The following ATP11C variants were observed in gnomAD, a reference collection of about 807,000 sequenced individuals.
ATP11C encodes the protein phospholipid-transporting ATPase IG.
In ATP11C, 36 loss-of-function variants were observed where a neutral mutation model predicts 97.4. The observed-to-expected ratio is 0.37, with a 90% CI of 0.28 to 0.49. The LOEUF is 0.49. ATP11C is among the 20% of genes least tolerant of loss of function. The pLI is 0.98. For synonymous variants in ATP11C, 275 were observed against 290.9 expected (o/e 0.95, Z 0.56); for missense variants, 730 against 824.6 (o/e 0.89, Z 1.40).
chrX:139,901,239 G>C (rs1335496621), intron 1 of ATP11C, among the ~76,000 whole-genome samples: 1 of 111,521 alleles, frequency 9.0e-6, no homozygotes, highest in African/African-American at 3.3e-5. Context: ...CATTAAAGGA[G>C]AGTAAGTCAG....
intron 1 of ATP11C, among the ~76,000 whole-genome samples, chrX:139,863,137 CTA>C (rs1273033326): frequency 8.9e-6 from 1 of 112,050 alleles, no homozygotes; most frequent in Non-Finnish European, 1.9e-5. Context: ...GAAAAGAATT[CTA>C]TGTTACCTGA....
chrX:139,837,976 C>T (rs2083772631), intron 1 of ATP11C, among the ~76,000 whole-genome samples: 1 of 111,773 alleles, frequency 8.9e-6, no homozygotes, highest in African/African-American at 3.3e-5. Flanking sequence ...TAGAAAATTG[C>T]CTATGATGAG....
intron 1 of ATP11C, among the ~76,000 whole-genome samples, chrX:139,919,097 G>A (rs1441220435): frequency 2.7e-5 from 3 of 110,693 alleles, no homozygotes; most frequent in Non-Finnish European, 5.7e-5. Context: ...TTTTAAATTA[G>A]CCAGGCATGG....
chrX:139,823,078 C>T (rs1046273442), intron 2 of ATP11C, among the ~76,000 whole-genome samples: 8 of 110,085 alleles, frequency 7.3e-5, no homozygotes, highest in Non-Finnish European at 1.5e-4. Flanking sequence ...ATTAGCCAGG[C>T]GGGCGCCTGT....
chrX:139,795,259 G>T (rs1405266630), intron 12 of ATP11C, among the ~76,000 whole-genome samples: 1 of 111,711 alleles, frequency 9.0e-6, no homozygotes, highest in African/African-American at 3.3e-5. Context: ...TAAACAAAAT[G>T]GTATCTGGAG....
intron 28 of ATP11C, among the ~76,000 whole-genome samples, chrX:139,737,299 C>G (rs2081463658): frequency 9.0e-6 from 1 of 111,034 alleles, no homozygotes; most frequent in Non-Finnish European, 1.9e-5. Context: ...ACTTCTCATT[C>G]CCACAGGAAA....
intron 1 of ATP11C, among the ~76,000 whole-genome samples, chrX:139,827,585 T>C (rs2083558121): frequency 9.0e-6 from 1 of 111,687 alleles, no homozygotes; most frequent in Non-Finnish European, 1.9e-5. Context: ...ACCCTTTTCT[T>C]ATATAAATTT....
chrX:139,901,460 A>G (rs1047300783), intron 1 of ATP11C, among the ~76,000 whole-genome samples: 1 of 111,620 alleles, frequency 9.0e-6, no homozygotes, highest in Non-Finnish European at 1.9e-5. Context: ...TTTCTCAGCA[A>G]AAGAGACAGA....
chrX:139,884,872 T>C (rs1235489211), intron 1 of ATP11C, among the ~76,000 whole-genome samples: 1 of 112,056 alleles, frequency 8.9e-6, no homozygotes, highest in African/African-American at 3.2e-5. Context: ...ATAATGATGA[T>C]AGTAATGGAC....
Position 139,818,926 on chromosome X carries a change from A to C in ATP11C, c.237+412T>G, listed in dbSNP as rs756862357. On this transcript the variant is annotated intron_variant, in intron 3 of 29. Coordinates refer to ENST00000682941, the MANE Select transcript of ATP11C (RefSeq NM_001353812.2). ...CTTACAGTGAGTAAATGAATGAGAG[A>C]GAGCAAAAATGGTAATCAGGAAGAT... Among the ~76,000 whole-genome samples the C allele has an allele frequency of 2.2e-3, 246 of 112,299 alleles. 1 individual carries two copies. Among genetic ancestry groups the C allele is most frequent in the South Asian group, 0.011 (29 of 2,675 alleles).
At position 139,750,007 on chromosome X, in the gene ATP11C, ACT is replaced by A. The variant is rs767272667; in HGVS notation, c.2828+16_2828+17del. On this transcript the variant is annotated intron_variant, in intron 24 of 29. Transcript: ENST00000682941. ...ACACTGAAAGTCTTAGGGGGTTTTA[ACT>A]ATATATTTAACTTACATATACAATC... The A allele has an allele frequency of 8.4e-7, 1 of 1,186,104 alleles. No homozygotes were observed. Among genetic ancestry groups the A allele is most frequent in the Non-Finnish European group, 1.1e-6 (1 of 877,192 alleles).
chrX:139,810,416 T>C (rs1282997167), intron 5 of ATP11C, among the ~76,000 whole-genome samples: 3 of 111,676 alleles, frequency 2.7e-5, no homozygotes, highest in East Asian at 2.8e-4. Context: ...GATTGTGGCA[T>C]TGCACTCCAG....
chrX:139,874,929 C>A (rs915637702), intron 1 of ATP11C, among the ~76,000 whole-genome samples: 6 of 111,215 alleles, frequency 5.4e-5, no homozygotes, highest in African/African-American at 2.0e-4. Context: ...CCAAGACCAG[C>A]CAAATGTCTC....
chrX:139,811,286 T>TA (rs1301551819), intron 5 of ATP11C, among the ~76,000 whole-genome samples: 1 of 111,558 alleles, frequency 9.0e-6, no homozygotes. Context: ...CATCATACGG[T>TA]ATGTACAGAC....
At chrX:139,933,902 A>G (rs2085491187), upstream of ATP11C, among the ~76,000 whole-genome samples, 1 of 112,691 alleles carries the variant, frequency 8.9e-6, no homozygotes, top group East Asian at 2.8e-4. Flanking sequence ...TGGTTGGGGG[A>G]TACAAACAAG....
intron 1 of ATP11C, among the ~76,000 whole-genome samples, chrX:139,837,004 A>G (rs1044318688): frequency 6.3e-5 from 7 of 111,116 alleles, no homozygotes; most frequent in African/African-American, 2.3e-4. Context: ...GAAAACACAC[A>G]CACACATACA....
rs149653215 is a variant in ATP11C, at chrX:139,736,861, C to T, written c.3288+1055G>A. Among the ~76,000 whole-genome samples, 559 of 111,362 alleles carry T rather than the reference C, an allele frequency of 5.0e-3. 8 individuals are homozygous for T. The highest frequency in any genetic ancestry group is 0.017 in the African/African-American group (513 of 30,789). On this transcript the variant is annotated intron_variant, in intron 28 of 29. Transcript: ENST00000682941. ...GATTGGGGCTGACACTGACTTGCGA[C>T]ATGAATCTCCTCTTTTACAATTCTA...
intron 1 of ATP11C, among the ~76,000 whole-genome samples, chrX:139,922,223 AATATATATATAT>A (rs201394639): frequency 0.039 from 1,719 of 43,690 alleles, 57 homozygotes; most frequent in Middle Eastern, 0.065. Flanking sequence ...TCCTTCTCTA[AATATATATATAT>A]ATATATATAT....
chrX:139,788,262 T>G lies in ATP11C; in HGVS notation c.1450A>C (p.Thr484Pro). The G allele has an allele frequency of 8.3e-7, 1 of 1,207,307 alleles. No individual in the cohort carries two copies. Among genetic ancestry groups the G allele is most frequent in the Non-Finnish European group, 1.1e-6 (1 of 891,486 alleles). ...ATATAGGTTAATTCAGCTGATTCTG[T>G]AGCTCCATCAACAGCATCGTTTGTT... is the stretch of plus-strand genomic sequence containing the variant. ...IKTNDAVDGA[T>P]ESAELTYISS... The change falls in exon 14 of 30, where the codon ACA becomes CCA. Residue 484 changes from threonine to proline, a missense_variant. By Grantham distance (38) the Thr-to-Pro change is conservative. Coordinates refer to ENST00000682941, the MANE Select transcript of ATP11C (RefSeq NM_001353812.2).
Sources: gnomAD v4.1 joint callset for allele counts (sites outside exome capture counted in the v4.1 genomes callset) on GRCh38, gnomAD v4.1.1 for gene constraint, MANE v1.5 for transcripts, NCBI Gene and HGNC (gene_info 2026-07-23, HGNC 2026-07-21) for gene names.